The following UGT1A6 variants were observed in gnomAD, a reference collection of about 807,000 sequenced individuals.
The protein encoded by UGT1A6 is UDP glucuronosyltransferase family 1 member A6.
A neutral mutation model predicts 44.4 loss-of-function variants in UGT1A6; 32 were observed. The ratio of observed to expected loss-of-function variants is 0.72; its 90% CI spans 0.54 to 0.97. The LOEUF is 0.97. UGT1A6 is among the 50% of genes least tolerant of loss of function. The pLI is 0.00. For synonymous variants in UGT1A6, 238 were observed against 248.5 expected, an observed-to-expected ratio of 0.96 and a Z score of 0.40; for missense variants, 685 against 661.9, an observed-to-expected ratio of 1.03 and a Z score of -0.38.
At chr2:233,717,863 T>C (rs1490310722) in intron 1 of UGT1A6, 3 of 454,794 alleles carry the variant, frequency 6.6e-6, no homozygotes, top group East Asian at 6.9e-5. Flanking sequence ...TGGTGCTGGA[T>C]TGACTTGGAG....
chr2:233,701,793 C>A (rs532653628), intron 1 of UGT1A6, among the ~76,000 whole-genome samples: 26 of 152,232 alleles, frequency 1.7e-4, no homozygotes, highest in African/African-American at 6.0e-4. Context: ...TCTTTGAAAT[C>A]AACGAGAACA....
chr2:233,743,051 C>T, intron 1 of UGT1A6: 1 of 319,368 alleles, frequency 3.1e-6, no homozygotes, highest in Non-Finnish European at 6.1e-6. Context: ...CGTGTAGTCC[C>T]AACGATAAGA....
intron 1 of UGT1A6, chr2:233,747,636 A>C: frequency 3.8e-6 from 6 of 1,581,726 alleles, no homozygotes; most frequent in East Asian, 2.2e-5. Context: ...CAGGCACCTG[A>C]ATGCTACTTC....
At chr2:233,720,871 A>ATTT (rs60621337) in intron 1 of UGT1A6, among the ~76,000 whole-genome samples, 7,391 of 132,696 alleles carry the variant, frequency 0.056, 241 homozygotes, top group Non-Finnish European at 0.067. Context: ...GCTCCTGGCA[A>ATTT]TTTTTTTTTT....
chr2:233,724,791 C>T (rs1433624542), intron 1 of UGT1A6, among the ~76,000 whole-genome samples: 3 of 139,654 alleles, frequency 2.1e-5, no homozygotes, highest in Non-Finnish European at 4.6e-5. Context: ...ACTTCCCAGA[C>T]GGGGTGGCGG....
At chr2:233,698,537 C>T (rs1177277772) in intron 1 of UGT1A6, among the ~76,000 whole-genome samples, 3 of 152,152 alleles carry the variant, frequency 2.0e-5, no homozygotes, top group Admixed American at 6.5e-5. Context: ...GTAAACAGAA[C>T]ACGAGTGGCC....
chr2:233,718,866 C>G (rs2125663221), intron 1 of UGT1A6: 8 of 1,613,892 alleles, frequency 5.0e-6, no homozygotes, highest in South Asian at 1.1e-5. Context: ...GGCCACAGGA[C>G]TGCTGCTCCT....
chr2:233,735,687 T>A (rs1251778606), intron 1 of UGT1A6, among the ~76,000 whole-genome samples: 1 of 152,148 alleles, frequency 6.6e-6, no homozygotes, highest in Non-Finnish European at 1.5e-5. Context: ...CTTTAGGAGC[T>A]CTTGTAAGGC....
chr2:233,713,012 T>A lies in UGT1A6; in HGVS notation c.861+19147T>A, dbSNP rs748010470. The A allele has an allele frequency of 6.2e-6, 10 of 1,613,498 alleles. No individual in the cohort carries two copies. In the Admixed American group the frequency reaches 1.5e-4, roughly 24 times the overall value. ...CTGAGATGGCCACAGGACTCCAGGT[T>A]CCCCTGCCGCAGCTGGCCACAGGAC... On this transcript the variant is annotated intron_variant, in intron 1 of 4. Transcript: ENST00000305139.
chr2:233,772,138 AG>A lies in UGT1A6; in HGVS notation c.1302-123del, dbSNP rs1367045628. 6 of 1,548,126 alleles carry A rather than the reference AG, an allele frequency of 3.9e-6. No homozygotes were observed. In the African/African-American group the frequency reaches 8.2e-5, roughly 21 times the overall value. ...TAAAAACAACAACAACAACAATAATAGAAACAGGTTTCCTTTCCCAAGTTTG... is the reference window on the plus strand; with the variant it reads ...TAAAAACAACAACAACAACAATAATAAAACAGGTTTCCTTTCCCAAGTTTG... On this transcript the variant is annotated intron_variant, in intron 4 of 4. Coordinates refer to ENST00000305139, the MANE Select transcript of UGT1A6 (RefSeq NM_001072.4).
intron 1 of UGT1A6, among the ~76,000 whole-genome samples, chr2:233,720,911 A>G (rs1392017117): frequency 6.8e-6 from 1 of 146,884 alleles, no homozygotes; most frequent in Admixed American, 6.8e-5. Flanking sequence ...AGGTTTCGCA[A>G]TGTTAGCCAG....
chr2:233,772,284 C>T lies in UGT1A6; in HGVS notation c.1324C>T (p.Leu442Phe), dbSNP rs1445186018. 3.1e-6 allele frequency: 5 copies of T among 1,614,128 alleles called. No homozygotes were observed. Among genetic ancestry groups the T allele is most frequent in the African/African-American group, 1.3e-5 (1 of 74,936 alleles). The change falls in exon 5 of 5, where the codon CTC becomes TTC. Residue 442 changes from leucine to phenylalanine, a missense_variant. Physicochemically the swap from Leu to Phe is conservative, Grantham distance 22. Transcript: ENST00000305139. ...TAGTTACAAGGAGAACATCATGCGC[C>T]TCTCCAGCCTTCACAAGGACCGCCC... Reference protein sequence around the residue: ...DKSYKENIMRLSSLHKDRPVE... With the variant: ...DKSYKENIMRFSSLHKDRPVE...
rs572113839 is a variant in UGT1A6, at chr2:233,733,665, C to T, written c.862-33369C>T. Among the ~76,000 whole-genome samples the T allele has an allele frequency of 5.3e-5, 8 of 152,280 alleles. No individual in the cohort carries two copies. The East Asian group carries it at 7.7e-4, about 15-fold the overall frequency. ...ATCCCAAGGATGAAGCCGACTTGAT[C>T]GATGTGGATAAACTTTTTGATGTGC... On this transcript the variant is annotated intron_variant, in intron 1 of 4. Transcript: ENST00000305139.
rs564101757 is a variant in UGT1A6, at chr2:233,734,503, C to G, written c.862-32531C>G. On this transcript the variant is annotated intron_variant, in intron 1 of 4. Transcript: ENST00000305139. ...GATTTTTTTGAAGGTTTTTTTGTGTCTCTATCTCTTTCAGTTCTGCTCTGA... is the reference window on the plus strand; with the variant it reads ...GATTTTTTTGAAGGTTTTTTTGTGTGTCTATCTCTTTCAGTTCTGCTCTGA... Among the ~76,000 whole-genome samples the G allele has an allele frequency of 2.0e-5, 3 of 152,124 alleles. No homozygotes were observed. The South Asian group carries it at 6.2e-4, about 32-fold the overall frequency.
intron 1 of UGT1A6, among the ~76,000 whole-genome samples, chr2:233,764,749 G>A (rs2126012049): frequency 6.6e-6 from 1 of 152,298 alleles, no homozygotes; most frequent in East Asian, 1.9e-4. Flanking sequence ...GAGATGTGGT[G>A]CAGACCCTAG....
Position 233,753,486 on chromosome 2 carries a change from C to T in UGT1A6, c.862-13548C>T, listed in dbSNP as rs1410623213. The T allele has an allele frequency of 2.0e-5, 3 of 152,196 alleles. No homozygotes were observed. The East Asian group carries it at 5.8e-4, about 29-fold the overall frequency. 9.4% of individuals were successfully genotyped at this position (152,196 alleles called of 1,614,324 possible). On this transcript the variant is annotated intron_variant, in intron 1 of 4. Coordinates refer to ENST00000305139, the MANE Select transcript of UGT1A6 (RefSeq NM_001072.4). ...TGTAAAAAATTACCAGCATGCTGCT[C>T]TTAATTTTTTTCAGCCTGTCTAGTT... is the stretch of plus-strand genomic sequence containing the variant.
intron 1 of UGT1A6, chr2:233,719,790 T>C (rs189931898): frequency 6.2e-7 from 1 of 1,608,848 alleles, no homozygotes; most frequent in East Asian, 2.2e-5. Flanking sequence ...TTTCCAAAGA[T>C]TTTATTTTGG....
In UGT1A6 at chr2:233,768,066, C is replaced by T; in HGVS notation, c.1081+130C>T. The T allele has an allele frequency of 1.9e-6, 3 of 1,597,468 alleles. No homozygotes were observed. In the Admixed American group the frequency reaches 5.2e-5, roughly 28 times the overall value. On this transcript the variant is annotated intron_variant, in intron 3 of 4. Coordinates refer to ENST00000305139, the MANE Select transcript of UGT1A6 (RefSeq NM_001072.4). ...CAACATATCCTACATTGCTTTTTAT[C>T]TAGTGGGGTATCTCAACCCACATTT...
In UGT1A6 at chr2:233,769,690, G is replaced by A; in HGVS notation, c.1301+1251G>A. ...GTGCTAATGTGTGTGTGGTGGCACT[G>A]GATAAAAGATCAATGTTGGCTAGGC... On this transcript the variant is annotated intron_variant, in intron 4 of 4. Transcript: ENST00000305139. The surrounding 1 kb of genome is among the most constrained non-coding windows in gnomAD (Gnocchi z 4.4). The A allele has an allele frequency of 6.5e-7, 1 of 1,547,510 alleles. No homozygotes were observed. Among genetic ancestry groups the A allele is most frequent in the African/African-American group, 1.4e-5 (1 of 73,636 alleles).
Sources: gnomAD v4.1 joint callset for allele counts (sites outside exome capture counted in the v4.1 genomes callset) on GRCh38, gnomAD v4.1.1 for gene constraint, Gnocchi (gnomAD v3.1) non-coding constraint, MANE v1.5 for transcripts, NCBI Gene and HGNC (gene_info 2026-07-23, HGNC 2026-07-21) for gene names.